The following SUGCT variants were observed in gnomAD, a reference collection of about 807,000 sequenced individuals.
SUGCT encodes the protein succinyl-CoA:glutarate CoA-transferase.
In SUGCT, 41 loss-of-function variants were observed where a neutral mutation model predicts 55.0. The ratio of observed to expected loss-of-function variants is 0.74; its 90% CI spans 0.58 to 0.97. The LOEUF (loss-of-function observed/expected upper bound fraction) is 0.97, where lower values mean the gene tolerates loss of function less well. Ranked by LOEUF, SUGCT falls within the 50% of genes least tolerant of loss-of-function variation. The pLI is 0.00. For synonymous variants in SUGCT, 187 were observed against 200.4 expected (o/e 0.93, Z 0.56); for missense variants, 568 against 547.8 (o/e 1.04, Z -0.37).
chr7:40,720,475 T>C (rs974551663), intron 12 of SUGCT, among the ~76,000 whole-genome samples: 20 of 152,192 alleles, frequency 1.3e-4, no homozygotes. Context: ...GACATTTTAT[T>C]CATGGTGAGG....
the SUGCT span, among the ~76,000 whole-genome samples, chr7:40,948,018 T>C: frequency 6.6e-6 from 1 of 152,156 alleles, no homozygotes; most frequent in Non-Finnish European, 1.5e-5. Context: ...TATTGACAAT[T>C]TGATTATGGA....
intron 13 of SUGCT, among the ~76,000 whole-genome samples, chr7:40,807,140 A>C (rs374247094): frequency 6.6e-6 from 1 of 152,294 alleles, no homozygotes; most frequent in Admixed American, 6.5e-5. Flanking sequence ...TTATTTCTTT[A>C]CAGTCCCAGA....
chr7:40,781,795 A>G (rs1443099141), intron 13 of SUGCT, among the ~76,000 whole-genome samples: 1 of 152,124 alleles, frequency 6.6e-6, no homozygotes, highest in Non-Finnish European at 1.5e-5. Flanking sequence ...TCTTTAACTG[A>G]CTTTTTAACA....
chr7:40,952,674 GC>G, the SUGCT span, among the ~76,000 whole-genome samples: 1 of 152,104 alleles, frequency 6.6e-6, no homozygotes, highest in Non-Finnish European at 1.5e-5. Flanking sequence ...CTCAGTGTTT[GC>G]TTGTCCGTAA....
intron 12 of SUGCT, among the ~76,000 whole-genome samples, chr7:40,541,526 C>G (rs930964558): frequency 6.6e-6 from 1 of 152,086 alleles, no homozygotes; most frequent in African/African-American, 2.4e-5. Context: ...AAGCATTATG[C>G]AATAATTAGA....
chr7:40,430,338 T>C (rs879863894), intron 9 of SUGCT, among the ~76,000 whole-genome samples: 1 of 152,214 alleles, frequency 6.6e-6, no homozygotes, highest in Non-Finnish European at 1.5e-5. Flanking sequence ...TGTTATCTTT[T>C]GACATTTTGA....
intron 9 of SUGCT, among the ~76,000 whole-genome samples, chr7:40,413,250 G>A (rs1022855143): frequency 1.3e-5 from 2 of 152,074 alleles, no homozygotes; most frequent in Non-Finnish European, 2.9e-5. Context: ...TCTGTACATG[G>A]GGAAACTGCT....
At chr7:40,296,380 G>A (rs1043642569) in intron 8 of SUGCT, among the ~76,000 whole-genome samples, 2 of 152,098 alleles carry the variant, frequency 1.3e-5, no homozygotes, top group African/African-American at 4.8e-5. Context: ...CCTACAAATG[G>A]GATCTCTTTG....
At chr7:40,873,848 A>G in the SUGCT span, among the ~76,000 whole-genome samples, 1 of 152,218 alleles carries the variant, frequency 6.6e-6, no homozygotes, top group Non-Finnish European at 1.5e-5. Flanking sequence ...AACTCATCCT[A>G]TTACCTAAGA....
intron 13 of SUGCT, among the ~76,000 whole-genome samples, chr7:40,831,080 C>A (rs1435182477): frequency 6.6e-6 from 1 of 152,118 alleles, no homozygotes; most frequent in African/African-American, 2.4e-5. Flanking sequence ...AGCTTAAGAT[C>A]ATCATTTTTA....
intron 13 of SUGCT, among the ~76,000 whole-genome samples, chr7:40,782,284 A>G (rs1249107290): frequency 6.6e-6 from 1 of 152,124 alleles, no homozygotes; most frequent in Admixed American, 6.5e-5. Context: ...TTACATATCT[A>G]TAATTTTTAA....
At chr7:40,993,205 A>T in the SUGCT span, among the ~76,000 whole-genome samples, 1 of 152,090 alleles carries the variant, frequency 6.6e-6, no homozygotes, top group Non-Finnish European at 1.5e-5. Flanking sequence ...ATGAGGGCAG[A>T]CCTCATCACC....
chr7:40,526,271 G>A (rs1216882301), intron 12 of SUGCT, among the ~76,000 whole-genome samples: 1 of 151,998 alleles, frequency 6.6e-6, no homozygotes, highest in Middle Eastern at 3.2e-3. Context: ...GTATATATAG[G>A]GTTGCCATAA....
At chr7:40,709,069 A>G (rs576837723) in intron 12 of SUGCT, among the ~76,000 whole-genome samples, 5 of 152,216 alleles carry the variant, frequency 3.3e-5, no homozygotes, top group Non-Finnish European at 7.3e-5. Flanking sequence ...ATTGTACAAT[A>G]AGTATCTCTT....
chr7:40,145,080 G>T (rs1019444797), intron 1 of SUGCT, among the ~76,000 whole-genome samples: 4 of 152,090 alleles, frequency 2.6e-5, no homozygotes, highest in African/African-American at 9.7e-5. Context: ...AAAGCTGGAT[G>T]ATACCCCTTT....
chr7:40,147,844 G>A (rs552883740), intron 1 of SUGCT, among the ~76,000 whole-genome samples: 5 of 152,348 alleles, frequency 3.3e-5, no homozygotes, highest in Admixed American at 1.3e-4. Context: ...TTTCTGTGCT[G>A]CAAAAGAAAT....
rs569549539 is a variant in SUGCT, at chr7:40,590,801, C to T, written c.1089+94415C>T. On this transcript the variant is annotated intron_variant, in intron 12 of 13. Coordinates refer to ENST00000335693, the MANE Select transcript of SUGCT (RefSeq NM_001193313.2). ...CCCTTAGGAATTATGTCAAATCTAC[C>T]TTGCCTGTGCTCCGTACATGGAACA... 6.6e-5 allele frequency among the ~76,000 whole-genome samples: 10 copies of T among 152,284 alleles called. No individual in the cohort carries two copies. The South Asian group carries it at 1.5e-3, about 22-fold the overall frequency.
chr7:40,678,792 A>G (rs796598814), intron 12 of SUGCT, among the ~76,000 whole-genome samples: 5 of 152,318 alleles, frequency 3.3e-5, no homozygotes, highest in African/African-American at 9.6e-5. Flanking sequence ...AATATAGGTA[A>G]TTTGATTCAG....
chr7:40,916,292 A>G, the SUGCT span, among the ~76,000 whole-genome samples: 1 of 152,158 alleles, frequency 6.6e-6, no homozygotes, highest in African/African-American at 2.4e-5. Context: ...TTACAGCTCT[A>G]GAAATGAAGT....
Sources: allele counts gnomAD v4.1 joint callset (sites outside exome capture counted in the v4.1 genomes callset), GRCh38; gene constraint gnomAD v4.1.1; transcripts MANE v1.5; gene names NCBI Gene and HGNC (gene_info 2026-07-23, HGNC 2026-07-21).